Variants in TDRD3 observed in about 807,000 individuals in gnomAD.
TDRD3 encodes the protein tudor domain-containing protein 3.
In TDRD3, 45 loss-of-function variants were observed where a neutral mutation model predicts 86.7. The ratio of observed to expected loss-of-function variants is 0.52; its 90% CI spans 0.41 to 0.67. TDRD3 has a LOEUF of 0.67. Ranked by LOEUF, TDRD3 falls within the 30% of genes least tolerant of loss-of-function variation. TDRD3 has a pLI of 0.00. For missense variants in TDRD3, 814 were observed against 889.0 expected (o/e 0.92, Z 1.07); for synonymous variants, 298 against 301.7 (o/e 0.99, Z 0.13).
At chr13:60,456,725 T>G (rs181373258) in intron 3 of TDRD3, among the ~76,000 whole-genome samples, 1 of 152,258 alleles carries the variant, frequency 6.6e-6, no homozygotes, top group Admixed American at 6.5e-5. Flanking sequence ...TTTTTGTGTG[T>G]ATGTGTGTCA....
At chr13:60,470,169 A>G (rs1334462824) in intron 5 of TDRD3, among the ~76,000 whole-genome samples, 1 of 152,216 alleles carries the variant, frequency 6.6e-6, no homozygotes, top group Admixed American at 6.5e-5. Flanking sequence ...TTCACTTAGC[A>G]TAGAATTTTC....
chr13:60,463,464 G>A (rs1351073460), intron 4 of TDRD3, among the ~76,000 whole-genome samples: 1 of 151,078 alleles, frequency 6.6e-6, no homozygotes, highest in East Asian at 1.9e-4. Flanking sequence ...AAAATTTTTT[G>A]GATAAGACCT....
chr13:60,447,725 G>T (rs1038348593), intron 3 of TDRD3, among the ~76,000 whole-genome samples: 18 of 152,138 alleles, frequency 1.2e-4, no homozygotes, highest in African/African-American at 3.6e-4. Context: ...CCCCTTCTCT[G>T]ACTGTTTCTA....
chr13:60,557,015 A>AC (rs1223713536), intron 12 of TDRD3, among the ~76,000 whole-genome samples: 3 of 151,476 alleles, frequency 2.0e-5, no homozygotes, highest in Non-Finnish European at 4.4e-5. Context: ...TACCAGCCTG[A>AC]CCAACGTGGA....
In TDRD3 at chr13:60,478,244, G is replaced by A. The variant is rs569524188; in HGVS notation, c.496-5531G>A. ...CATATTTGTGATTTCTGATTGTACC[G>A]ATTTGGATCTTCTCTCTTTTTTGTT... On this transcript the variant is annotated intron_variant, in intron 5 of 13. Transcript: ENST00000377881. Among the ~76,000 whole-genome samples the A allele has an allele frequency of 7.1e-4, 106 of 148,808 alleles. No homozygotes were observed. The South Asian group carries it at 7.4e-3, about 10-fold the overall frequency.
intron 13 of TDRD3, among the ~76,000 whole-genome samples, chr13:60,569,062 G>A (rs1372603989): frequency 6.6e-6 from 1 of 151,996 alleles, no homozygotes; most frequent in Non-Finnish European, 1.5e-5. Flanking sequence ...TCTGCCTTCT[G>A]GGCTCAAGAC....
At chr13:60,398,190 C>G (rs767781805) in intron 1 of TDRD3, among the ~76,000 whole-genome samples, 1 of 152,178 alleles carries the variant, frequency 6.6e-6, no homozygotes, top group Non-Finnish European at 1.5e-5. Flanking sequence ...TAACGCTTTT[C>G]CCAGGCTTGC....
At chr13:60,539,349 G>A (rs943337252) in intron 12 of TDRD3, among the ~76,000 whole-genome samples, 1 of 151,902 alleles carries the variant, frequency 6.6e-6, no homozygotes, top group Non-Finnish European at 1.5e-5. Flanking sequence ...TATCTAATTA[G>A]GGTCTGAATT....
intron 3 of TDRD3, among the ~76,000 whole-genome samples, chr13:60,458,093 A>G (rs968090246): frequency 6.6e-6 from 1 of 152,224 alleles, no homozygotes; most frequent in African/African-American, 2.4e-5. Flanking sequence ...GATTAATTAA[A>G]TAAGTAAACT....
intron 1 of TDRD3, among the ~76,000 whole-genome samples, chr13:60,435,933 C>CTTTTTTTTTTTTTTTTT (rs1175974016): frequency 2.3e-4 from 26 of 114,190 alleles, no homozygotes; most frequent in South Asian, 6.4e-4. Context: ...TTTTTTTTTA[C>CTTTTTTTTTTTTTTTTT]TTTTTAATTA....
chr13:60,494,657 C>T (rs1956675843), intron 8 of TDRD3, 82 bp downstream of exon 8: 1 of 1,372,138 alleles, frequency 7.3e-7, no homozygotes. Flanking sequence ...CCACCACTGG[C>T]TTTGTGCAAT....
At chr13:60,448,911 C>T (rs974218566) in intron 3 of TDRD3, among the ~76,000 whole-genome samples, 4 of 152,100 alleles carry the variant, frequency 2.6e-5, no homozygotes, top group African/African-American at 4.8e-5. Flanking sequence ...TTCAGCTACT[C>T]GAGGACCTTA....
At position 60,483,827 on chromosome 13, in the gene TDRD3, C is replaced by A; in HGVS notation, c.548C>A (p.Pro183His). The A allele has an allele frequency of 6.2e-7, 1 of 1,613,270 alleles. No homozygotes were observed. The highest frequency in any genetic ancestry group is 8.5e-7 in the Non-Finnish European group (1 of 1,179,514). The change falls in exon 6 of 14, where the codon CCT becomes CAT. Residue 183 changes from proline to histidine, a missense_variant. Physicochemically the swap from Pro to His is moderately conservative, Grantham distance 77. Transcript: ENST00000377881. ...ATTGGAACTGAAGGTGGACCACCGC[C>A]TTTTGTGCCTTTTGGACAGGTAATG... is the stretch of plus-strand genomic sequence containing the variant. ...SNIGTEGGPP[P>H]FVPFGQKCVS...
In TDRD3 at chr13:60,397,272, C is replaced by CT. The variant is rs1210097114; in HGVS notation, c.-80dup. ...CCAGAGGAGTTTTTTCTTTTCTTTT[C>CT]TTTTTTTTTTTTTAAGGGGGGGGGT... On this transcript the variant is annotated 5_prime_UTR_variant, in exon 1 of 14. An upstream open reading frame in the 5' UTR gains an earlier in-frame stop. Transcript: ENST00000377881. 39,413 of 448,978 alleles carry CT rather than the reference C, an allele frequency of 0.088. 3 individuals are homozygous for CT. Among genetic ancestry groups the CT allele is most frequent in the East Asian group, 0.13 (2,461 of 19,512 alleles). The allele number at this position is 448,978 out of a possible 1,614,324, so 27.8% of individuals were successfully genotyped here.
At chr13:60,524,279 G>T (rs1203423804) in intron 10 of TDRD3, among the ~76,000 whole-genome samples, 1 of 152,028 alleles carries the variant, frequency 6.6e-6, no homozygotes, top group Non-Finnish European at 1.5e-5. Context: ...ACCGAGGGCG[G>T]GTGGATCACT....
chr13:60,483,869 A>G, intron 6 of TDRD3, 23 bp downstream of exon 6: 1 of 1,609,268 alleles, frequency 6.2e-7, no homozygotes, highest in Non-Finnish European at 8.5e-7. Flanking sequence ...GTGTTGGCAG[A>G]TGAATTTAAA....
chr13:60,508,831 A>G (rs1478033433), intron 8 of TDRD3, among the ~76,000 whole-genome samples: 1 of 152,150 alleles, frequency 6.6e-6, no homozygotes, highest in African/African-American at 2.4e-5. Context: ...CAGTTACCTA[A>G]TTACAGGATT....
chr13:60,543,198 T>A lies in TDRD3; in HGVS notation c.2118+7965T>A, dbSNP rs80102221. ...TCATATAGTTTAATAAGAGTAAACA[T>A]AATGAAGAGGTTCTAGTAAACAACC... On this transcript the variant is annotated intron_variant, in intron 12 of 13. Transcript: ENST00000377881. Among the ~76,000 whole-genome samples, 1,379 of 152,300 alleles carry A rather than the reference T, an allele frequency of 9.1e-3. 20 individuals carry two copies. Among genetic ancestry groups the A allele is most frequent in the African/African-American group, 0.032 (1,312 of 41,568 alleles).
At chr13:60,512,381 C>T (rs9528152) in intron 10 of TDRD3, among the ~76,000 whole-genome samples, 1 of 151,814 alleles carries the variant, frequency 6.6e-6, no homozygotes, top group Non-Finnish European at 1.5e-5. Flanking sequence ...GTTCCACCCC[C>T]AGCCCCTCCC....
Sources: gnomAD v4.1 joint callset for allele counts (sites outside exome capture counted in the v4.1 genomes callset) on GRCh38, gnomAD v4.1.1 for gene constraint, MANE v1.5 for transcripts, NCBI Gene and HGNC (gene_info 2026-07-23, HGNC 2026-07-21) for gene names.